The following MFN1 variants were observed in gnomAD, a reference collection of about 807,000 sequenced individuals.
MFN1 encodes the protein mitofusin 1.
MFN1 carries 65 observed loss-of-function variants against 92.4 expected under a neutral mutation model. The observed-to-expected ratio is 0.70, with a 90% CI of 0.58 to 0.86. The LOEUF is 0.86. Ranked by LOEUF, MFN1 falls within the 40% of genes least tolerant of loss-of-function variation. The pLI, the probability that MFN1 is intolerant of heterozygous loss-of-function variation, is 0.00. For synonymous variants in MFN1, 297 were observed against 300.9 expected, an observed-to-expected ratio of 0.99 and a Z score of 0.13; for missense variants, 781 against 868.0, an observed-to-expected ratio of 0.90 and a Z score of 1.26.
chr3:179,358,581 G>A (rs957526787), intron 3 of MFN1, among the ~76,000 whole-genome samples: 15 of 152,116 alleles, frequency 9.9e-5, no homozygotes, highest in African/African-American at 3.4e-4. Context: ...CTGTGATTTC[G>A]AATTGCCACA....
At chr3:179,370,707 G>A (rs1712990890) in intron 9 of MFN1, among the ~76,000 whole-genome samples, 1 of 152,160 alleles carries the variant, frequency 6.6e-6, no homozygotes, top group African/African-American at 2.4e-5. Flanking sequence ...ACCGTGCCTG[G>A]CCTGTGTTCG....
chr3:179,363,778 T>G (rs1712675175), intron 5 of MFN1, among the ~76,000 whole-genome samples: 1 of 152,194 alleles, frequency 6.6e-6, no homozygotes, highest in African/African-American at 2.4e-5. Flanking sequence ...AATATGCCAC[T>G]GCACTCAGCC....
intron 9 of MFN1, among the ~76,000 whole-genome samples, chr3:179,371,196 G>A (rs1290863908): frequency 6.6e-6 from 1 of 152,080 alleles, no homozygotes. Context: ...ATTAAATGGA[G>A]TAAAAGCAAT....
At chr3:179,364,216 A>T in intron 5 of MFN1, 81 bp from the exon 6 acceptor site, 2 of 869,532 alleles carry the variant, frequency 2.3e-6, no homozygotes, top group South Asian at 4.5e-5. Context: ...ACTTCAAATT[A>T]TATATAAAAG....
rs1309527418 is a variant in MFN1 at position 179,351,911 on chromosome 3, A to T, written c.124A>T (p.Asn42Tyr). ...TTTCAATTTTGCAGCAACATATAAG[A>T]ATCCGGAACTTGATCGAATAGCCAC... ...GSHFVEATYK[N>Y]PELDRIATED... Residue 42 changes from asparagine to tyrosine, a missense_variant, in exon 3 of 18, where the codon AAT becomes TAT. Transcript: ENST00000471841. 1.2e-6 allele frequency: 2 copies of T among 1,602,786 alleles called. No homozygotes were observed. The highest frequency in any genetic ancestry group is 1.7e-6 in the Non-Finnish European group (2 of 1,172,742).
intron 9 of MFN1, among the ~76,000 whole-genome samples, chr3:179,372,540 A>G (rs1486936433): frequency 6.6e-6 from 1 of 152,170 alleles, no homozygotes; most frequent in Admixed American, 6.5e-5. Flanking sequence ...TATTTGGAGT[A>G]AAATGTTCTT....
chr3:179,348,767 A>T (rs1309390754), intron 1 of MFN1, 78 bp from the exon 2 acceptor site: 2 of 1,539,118 alleles, frequency 1.3e-6, no homozygotes, highest in Non-Finnish European at 1.8e-6. Flanking sequence ...GGAGTTGATG[A>T]ATGTCACTGG....
At chr3:179,358,101 A>G (rs1712413879) in intron 3 of MFN1, among the ~76,000 whole-genome samples, 1 of 147,490 alleles carries the variant, frequency 6.8e-6, no homozygotes, top group Non-Finnish European at 1.5e-5. Context: ...AAGAACCTGC[A>G]TTGTCTTTTA....
chr3:179,383,319 A>G (rs1291110855), intron 14 of MFN1, among the ~76,000 whole-genome samples: 4 of 152,236 alleles, frequency 2.6e-5, no homozygotes, highest in South Asian at 4.1e-4. Context: ...CATTTGTTAA[A>G]TAGGGAATCC....
intron 3 of MFN1, among the ~76,000 whole-genome samples, chr3:179,354,395 C>T (rs908316196): frequency 4.6e-5 from 7 of 152,150 alleles, no homozygotes; most frequent in Admixed American, 3.9e-4. Flanking sequence ...CATGGTAAGG[C>T]GTTCTGCATT....
At chr3:179,374,772 T>C (rs571232492) in intron 9 of MFN1, among the ~76,000 whole-genome samples, 1 of 152,328 alleles carries the variant, frequency 6.6e-6, no homozygotes, top group South Asian at 2.1e-4. Context: ...CATTGTATCA[T>C]TCAGCTATTA....
At chr3:179,366,323 G>A (rs1215449972) in intron 7 of MFN1, among the ~76,000 whole-genome samples, 1 of 151,706 alleles carries the variant, frequency 6.6e-6, no homozygotes, top group African/African-American at 2.4e-5. Context: ...GTTCTCCAAA[G>A]TGCTTGGTGT....
Position 179,359,006 on chromosome 3 carries a change from T to C in MFN1, c.411+4T>C. On this transcript the variant is annotated splice_donor_region_variant and intron_variant, in intron 4 of 17. Transcript: ENST00000471841. The stretch of plus-strand genomic sequence containing the variant: ...AGATGAAAAAAAGAGTGTGAAGGTA[T>C]GATCTTTAACCTTTAGCAGAATAAT... The C allele has an allele frequency of 6.2e-7, 1 of 1,612,706 alleles. No homozygotes were observed. Among genetic ancestry groups the C allele is most frequent in the Non-Finnish European group, 8.5e-7 (1 of 1,179,406 alleles).
intron 6 of MFN1, among the ~76,000 whole-genome samples, chr3:179,364,696 C>G (rs765338713): frequency 3.9e-5 from 6 of 152,134 alleles, no homozygotes; most frequent in Admixed American, 1.3e-4. Flanking sequence ...TTATTTAAGT[C>G]TCTTGAATAA....
At chr3:179,376,436 T>A (rs906639903) in intron 10 of MFN1, among the ~76,000 whole-genome samples, 4 of 152,246 alleles carry the variant, frequency 2.6e-5, no homozygotes. Flanking sequence ...GAGGATTGTA[T>A]AATCATAATG....
rs370650449 is a variant in MFN1, at chr3:179,351,948, T to G, written c.161T>G (p.Leu54Arg). 1.2e-6 allele frequency: 2 copies of G among 1,610,740 alleles called. No homozygotes were observed. The highest frequency in any genetic ancestry group is 1.3e-5 in the African/African-American group (1 of 74,918). ...ELDRIATEDDLVEMQGYKDKL... is the reference protein window; with the variant it reads ...ELDRIATEDDRVEMQGYKDKL... Reference sequence around the variant, plus strand: ...GATCGAATAGCCACTGAAGATGATCTGGTAGAAATGCAAGGATATAAAGAC... The same window carrying G: ...GATCGAATAGCCACTGAAGATGATCGGGTAGAAATGCAAGGATATAAAGAC... The change falls in exon 3 of 18, where the codon CTG (leucine) becomes CGG (arginine). Residue 54 changes from leucine (L) to arginine (R), a missense_variant. By Grantham distance (102) the Leu-to-Arg change is moderately radical. Transcript: ENST00000471841.
At chr3:179,354,230 C>T (rs1712262858) in intron 3 of MFN1, among the ~76,000 whole-genome samples, 1 of 152,166 alleles carries the variant, frequency 6.6e-6, no homozygotes, top group African/African-American at 2.4e-5. Flanking sequence ...TCCAAAAGCT[C>T]ATTTCTTGCA....
chr3:179,364,122 G>A (rs1042024716), intron 5 of MFN1, among the ~76,000 whole-genome samples, 175 bp from the exon 6 acceptor site: 3 of 151,968 alleles, frequency 2.0e-5, no homozygotes, highest in Admixed American at 1.3e-4. Context: ...GAAATATTGA[G>A]CATGTTATTT....
chr3:179,385,699 G>A lies in MFN1; in HGVS notation c.1793G>A (p.Gly598Asp), dbSNP rs774887267. 2 of 1,612,828 alleles carry A rather than the reference G, an allele frequency of 1.2e-6. No homozygotes were observed. Among genetic ancestry groups the A allele is most frequent in the Admixed American group, 3.4e-5 (2 of 59,682 alleles). ...TCCGTTACATCTAGAACTTCTATGG[G>A]CATCATTATTGTTGGAGGAGTGGTA... ...LASVTSRTSM[G>D]IIIVGGVIWK... The change falls in exon 15 of 18, where the codon GGC (glycine) becomes GAC (aspartate). Residue 598 changes from glycine to aspartate, a missense_variant. By Grantham distance (94) the Gly-to-Asp change is moderately conservative (BLOSUM62 -1). Transcript: ENST00000471841.
Sources: allele counts gnomAD v4.1 joint callset (sites outside exome capture counted in the v4.1 genomes callset), GRCh38; gene constraint gnomAD v4.1.1; transcripts MANE v1.5; gene names NCBI Gene and HGNC (gene_info 2026-07-23, HGNC 2026-07-21).